Variants in CCDC85A observed in about 807,000 individuals in gnomAD.
CCDC85A encodes the protein coiled-coil domain-containing protein 85A.
Under a neutral mutation model 50.2 loss-of-function variants are expected in CCDC85A, and 38 were observed. The ratio of observed to expected loss-of-function variants is 0.76; its 90% CI spans 0.58 to 0.99. The LOEUF is 0.99. CCDC85A is among the 50% of genes least tolerant of loss of function. The pLI is 0.00. For synonymous variants in CCDC85A, 366 were observed against 301.4 expected, an observed-to-expected ratio of 1.21 and a Z score of -2.22; for missense variants, 820 against 742.0, an observed-to-expected ratio of 1.11 and a Z score of -1.22.
chr2:56,240,996 A>G (rs942994991), intron 2 of CCDC85A, among the ~76,000 whole-genome samples: 13 of 152,174 alleles, frequency 8.5e-5, no homozygotes, highest in African/African-American at 3.1e-4. Context: ...CCAATAATAT[A>G]TGAGGGTTTC....
At chr2:56,245,411 C>G (rs945434414) in intron 2 of CCDC85A, among the ~76,000 whole-genome samples, 1 of 152,240 alleles carries the variant, frequency 6.6e-6, no homozygotes, top group African/African-American at 2.4e-5. Context: ...GCCACATGGC[C>G]TCTGCCAGGG....
intron 2 of CCDC85A, among the ~76,000 whole-genome samples, chr2:56,335,837 T>C (rs1204361797): frequency 6.6e-6 from 1 of 151,974 alleles, no homozygotes; most frequent in Admixed American, 6.5e-5. Context: ...CCTGACCTCG[T>C]GGTCCGCCTG....
chr2:56,352,023 T>G (rs1206215889), intron 3 of CCDC85A, among the ~76,000 whole-genome samples: 1 of 152,162 alleles, frequency 6.6e-6, no homozygotes, highest in Admixed American at 6.5e-5. Flanking sequence ...TTGAATTAAT[T>G]TTTGTATAAG....
intron 2 of CCDC85A, among the ~76,000 whole-genome samples, chr2:56,198,322 A>G (rs752568983): frequency 2.8e-4 from 42 of 152,354 alleles, no homozygotes; most frequent in Middle Eastern, 3.4e-3. Context: ...TGGGAGAAAA[A>G]TTTTAACAGT....
intron 3 of CCDC85A, among the ~76,000 whole-genome samples, chr2:56,360,781 A>G (rs944727257): frequency 2.6e-5 from 4 of 152,164 alleles, no homozygotes; most frequent in Non-Finnish European, 5.9e-5. Flanking sequence ...TATTCCAGTT[A>G]CCTCTGCTAT....
intron 2 of CCDC85A, among the ~76,000 whole-genome samples, chr2:56,205,520 A>G (rs1353450799): frequency 6.6e-6 from 1 of 152,200 alleles, no homozygotes; most frequent in Non-Finnish European, 1.5e-5. Context: ...CAGGGATAAT[A>G]GAGATTTATT....
At chr2:56,359,387 G>A (rs952686060) in intron 3 of CCDC85A, among the ~76,000 whole-genome samples, 95 of 152,304 alleles carry the variant, frequency 6.2e-4, no homozygotes, top group African/African-American at 2.1e-3. Flanking sequence ...TGATATCGTC[G>A]AATAGGAAAT....
At chr2:56,378,704 G>C (rs72803077) in intron 5 of CCDC85A, among the ~76,000 whole-genome samples, 22,616 of 152,184 alleles carry the variant, frequency 0.15, 1,814 homozygotes, top group South Asian at 0.19. Flanking sequence ...GTTAGATTCA[G>C]ATAGTGTCCA....
intron 2 of CCDC85A, among the ~76,000 whole-genome samples, chr2:56,291,661 C>T (rs2104147414): frequency 6.6e-6 from 1 of 151,762 alleles, no homozygotes; most frequent in Admixed American, 6.6e-5. Context: ...GTGTTGGGAA[C>T]TTTGTAGACA....
At chr2:56,383,948 A>G (rs1337939791) in intron 5 of CCDC85A, among the ~76,000 whole-genome samples, 1 of 151,896 alleles carries the variant, frequency 6.6e-6, no homozygotes, top group African/African-American at 2.4e-5. Context: ...GATGGGGATT[A>G]CTGTTTAAGA....
intron 2 of CCDC85A, among the ~76,000 whole-genome samples, chr2:56,310,043 T>A (rs183215280): frequency 1.4e-3 from 206 of 152,330 alleles, no homozygotes; most frequent in Middle Eastern, 0.01. Context: ...GTTTGTTTCA[T>A]ATGAGATGTG....
intron 2 of CCDC85A, among the ~76,000 whole-genome samples, chr2:56,276,625 A>T (rs1216681515): frequency 6.6e-6 from 1 of 152,088 alleles, no homozygotes; most frequent in Non-Finnish European, 1.5e-5. Context: ...CATGATTGTG[A>T]GGCCTCCCCA....
intron 2 of CCDC85A, among the ~76,000 whole-genome samples, chr2:56,222,078 T>A (rs1261600003): frequency 2.0e-5 from 3 of 152,108 alleles, no homozygotes; most frequent in African/African-American, 7.2e-5. Flanking sequence ...TAACCATCTC[T>A]TAAAAGCCCC....
chr2:56,203,500 A>G (rs1573018108), intron 2 of CCDC85A, among the ~76,000 whole-genome samples: 1 of 152,064 alleles, frequency 6.6e-6, no homozygotes, highest in African/African-American at 2.4e-5. Flanking sequence ...CAGTCTCAAA[A>G]TTGCCCACTT....
intron 2 of CCDC85A, among the ~76,000 whole-genome samples, chr2:56,342,420 C>T (rs1045227384): frequency 1.3e-4 from 20 of 152,082 alleles, no homozygotes; most frequent in African/African-American, 4.8e-4. Context: ...GACTGGATTT[C>T]GGTATTAGAT....
At chr2:56,329,041 T>A (rs761938488) in intron 2 of CCDC85A, among the ~76,000 whole-genome samples, 16 of 152,196 alleles carry the variant, frequency 1.1e-4, no homozygotes, top group Non-Finnish European at 1.8e-4. Flanking sequence ...TATGTTAGTT[T>A]ACTGATGCCC....
At chr2:56,378,596 G>A (rs1167689992) in intron 5 of CCDC85A, among the ~76,000 whole-genome samples, 2 of 152,162 alleles carry the variant, frequency 1.3e-5, no homozygotes, top group Non-Finnish European at 2.9e-5. Flanking sequence ...GTGAGTATCA[G>A]GGCTCAGAAG....
chr2:56,311,348 C>T (rs1442761206), intron 2 of CCDC85A, among the ~76,000 whole-genome samples: 1 of 152,058 alleles, frequency 6.6e-6, no homozygotes, highest in Non-Finnish European at 1.5e-5. Flanking sequence ...TGACAGTTTC[C>T]ATCAATGCTC....
intron 2 of CCDC85A, among the ~76,000 whole-genome samples, chr2:56,316,488 A>G (rs1216240270): frequency 6.6e-6 from 1 of 152,136 alleles, no homozygotes; most frequent in East Asian, 1.9e-4. Context: ...TTTGTTATTT[A>G]CAAAATTGAC....
Sources: allele counts gnomAD v4.1 joint callset (sites outside exome capture counted in the v4.1 genomes callset), GRCh38; gene constraint gnomAD v4.1.1; transcripts MANE v1.5; gene names NCBI Gene and HGNC (gene_info 2026-07-23, HGNC 2026-07-21).